The following SERPINA12 variants were observed in gnomAD, a reference collection of about 807,000 sequenced individuals.
SERPINA12 encodes serpin A12.
SERPINA12 carries 21 observed loss-of-function variants against 25.9 expected under a neutral mutation model. The ratio of observed to expected loss-of-function variants is 0.81; its 90% CI spans 0.58 to 1.17. SERPINA12 has a LOEUF of 1.17. SERPINA12 is among the 50% of genes most tolerant of loss of function. SERPINA12 has a pLI of 0.00. For missense variants in SERPINA12, 562 were observed against 508.3 expected (o/e 1.11, Z -1.02); for synonymous variants, 220 against 196.0 (o/e 1.12, Z -1.02).
chr14:94,509,306 A>ACACACACACACACG (rs1338749635), intron 1 of SERPINA12, among the ~76,000 whole-genome samples, 36 bp downstream of exon 1: 2 of 151,522 alleles, frequency 1.3e-5, no homozygotes, highest in Non-Finnish European at 3.0e-5. Flanking sequence ...ACACACACAC[A>ACACACACACACACG]CACACACACA....
upstream of SERPINA12, chr14:94,511,817 A>T: frequency 1.4e-6 from 1 of 728,274 alleles, no homozygotes; most frequent in Non-Finnish European, 1.7e-6. Context: ...CAGGGAAGGG[A>T]CAGACACTGG....
At chr14:94,490,525 C>T (rs72631642) in intron 3 of SERPINA12, among the ~76,000 whole-genome samples, 14,270 of 152,068 alleles carry the variant, frequency 0.094, 804 homozygotes, top group Middle Eastern at 0.16. Context: ...CTCTCTCCTG[C>T]ATCATCCTTA....
Position 94,487,734 on chromosome 14 carries a change from G to C in SERPINA12, c.1054-240C>G, listed in dbSNP as rs116923032. Among the ~76,000 whole-genome samples, 42 of 152,242 alleles carry C rather than the reference G, an allele frequency of 2.8e-4. 2 individuals are homozygous for C. The East Asian group carries it at 7.9e-3, about 29-fold the overall frequency. ...GGAGCATCAGTTACGGGAGTCGGTGGGGGGAGAGATGGAGTGGGGTTTGCT... is the reference window on the plus strand; with the variant it reads ...GGAGCATCAGTTACGGGAGTCGGTGCGGGGAGAGATGGAGTGGGGTTTGCT... On this transcript the variant is annotated intron_variant, in intron 4 of 4. Transcript: ENST00000677451.
intron 1 of SERPINA12, among the ~76,000 whole-genome samples, chr14:94,516,369 A>G (rs1901233372): frequency 6.6e-6 from 1 of 152,176 alleles, no homozygotes; most frequent in Non-Finnish European, 1.5e-5. Context: ...CAGAACCCAC[A>G]TCTGTCACTC....
intron 3 of SERPINA12, among the ~76,000 whole-genome samples, chr14:94,494,160 G>A (rs762037250): frequency 6.6e-6 from 1 of 152,158 alleles, no homozygotes; most frequent in Non-Finnish European, 1.5e-5. Context: ...GGATGAAGTG[G>A]GGTGGAAGAC....
chr14:94,511,809 G>GTGTCTGTCCCTTCCCTGGTCT, upstream of SERPINA12: 1 of 802,026 alleles, frequency 1.2e-6, no homozygotes, highest in Non-Finnish European at 1.5e-6. Flanking sequence ...TCACAGACCA[G>GTGTCTGTCCCTTCCCTGGTCT]GGAAGGGACA....
chr14:94,501,010 C>A (rs1470837914), intron 1 of SERPINA12: 1 of 984,982 alleles, frequency 1.0e-6, no homozygotes, highest in Non-Finnish European at 1.2e-6. Context: ...CACCTTCTAC[C>A]CCCAAAAACC....
chr14:94,494,802 A>C (rs908905559), intron 3 of SERPINA12, among the ~76,000 whole-genome samples: 3 of 152,202 alleles, frequency 2.0e-5, no homozygotes, highest in Non-Finnish European at 4.4e-5. Flanking sequence ...TCTCAAGAGT[A>C]CTGTGGTGTT....
At chr14:94,493,685 T>C (rs747878935) in intron 3 of SERPINA12, among the ~76,000 whole-genome samples, 1 of 152,094 alleles carries the variant, frequency 6.6e-6, no homozygotes, top group Non-Finnish European at 1.5e-5. Context: ...AGCTTACACT[T>C]GGACTTCACA....
intron 4 of SERPINA12, 117 bp from the exon 5 acceptor site, chr14:94,487,611 AG>A: frequency 1.3e-6 from 1 of 762,556 alleles, no homozygotes; most frequent in South Asian, 2.1e-5. Context: ...CCAGCACAGC[AG>A]TAACTTGGTT....
At chr14:94,513,695 C>A (rs1160050703), upstream of SERPINA12, among the ~76,000 whole-genome samples, 1 of 152,188 alleles carries the variant, frequency 6.6e-6, no homozygotes, top group East Asian at 1.9e-4. Context: ...GGACCAATGG[C>A]TTTCATTTTC....
At chr14:94,502,703 T>C (rs7143263) in intron 1 of SERPINA12, among the ~76,000 whole-genome samples, 3,578 of 152,322 alleles carry the variant, frequency 0.023, 56 homozygotes, top group African/African-American at 0.046. Context: ...AAAGAGTTGA[T>C]GTAATATCCT....
intron 4 of SERPINA12, 46 bp from the exon 5 acceptor site, chr14:94,487,540 G>C: frequency 1.3e-6 from 2 of 1,521,586 alleles, no homozygotes; most frequent in Non-Finnish European, 1.8e-6. Flanking sequence ...GCTCCTTGGC[G>C]ACCACAGTGG....
upstream of SERPINA12, chr14:94,511,653 T>G: frequency 5.1e-6 from 5 of 985,432 alleles, no homozygotes; most frequent in Non-Finnish European, 4.8e-6. Flanking sequence ...CCCACCCACC[T>G]CTCTCACCTG....
intron 2 of SERPINA12, 101 bp from the exon 3 acceptor site, chr14:94,496,744 A>G: frequency 1.0e-6 from 1 of 999,826 alleles, no homozygotes; most frequent in Non-Finnish European, 1.5e-6. Flanking sequence ...TCAGGGTGAA[A>G]GGGGATATTC....
exon 1 of SERPINA12, chr14:94,517,618 A>C (rs1398388288): frequency 1.3e-5 from 2 of 152,168 alleles, no homozygotes; most frequent in Non-Finnish European, 2.9e-5. Context: ...CAGTACTGGA[A>C]GCTTTTGCTC....
chr14:94,512,649 C>A (rs1383087874), upstream of SERPINA12, among the ~76,000 whole-genome samples: 1 of 152,134 alleles, frequency 6.6e-6, no homozygotes, highest in Non-Finnish European at 1.5e-5. Context: ...CCCAGGAGGA[C>A]AATTCTTGCC....
upstream of SERPINA12, among the ~76,000 whole-genome samples, chr14:94,509,496 A>G (rs1407475211): frequency 2.0e-5 from 3 of 151,968 alleles, no homozygotes; most frequent in Admixed American, 6.6e-5. Flanking sequence ...CACAAGCCTT[A>G]TCTACAAACT....
intron 3 of SERPINA12, among the ~76,000 whole-genome samples, chr14:94,494,735 A>G (rs546351074): frequency 6.6e-6 from 1 of 152,222 alleles, no homozygotes; most frequent in Non-Finnish European, 1.5e-5. Flanking sequence ...GGAAAGAGGA[A>G]TTTGCATTTG....
Sources: allele counts gnomAD v4.1 joint callset (sites outside exome capture counted in the v4.1 genomes callset), GRCh38; gene constraint gnomAD v4.1.1; transcripts MANE v1.5; gene names NCBI Gene and HGNC (gene_info 2026-07-23, HGNC 2026-07-21).